The following EML4 variants were observed in gnomAD, a reference collection of about 807,000 sequenced individuals.
EML4 encodes the protein EMAP like 4.
Under a neutral mutation model 129.0 loss-of-function variants are expected in EML4, and 72 were observed. The ratio of observed to expected loss-of-function variants is 0.56; its 90% CI spans 0.46 to 0.68. EML4 has a LOEUF of 0.68. Ranked by LOEUF, EML4 falls within the 30% of genes least tolerant of loss-of-function variation. EML4 has a pLI of 0.00. For missense variants in EML4, 1,363 were observed against 1,190.6 expected, an observed-to-expected ratio of 1.14 and a Z score of -2.13; for synonymous variants, 532 against 405.0, an observed-to-expected ratio of 1.31 and a Z score of -3.77.
chr2:42,241,874 C>CA lies in EML4; in HGVS notation c.26-3631_26-3630insA, dbSNP rs568158109. 2.1e-4 allele frequency among the ~76,000 whole-genome samples: 30 copies of CA among 144,964 alleles called. No individual in the cohort carries two copies. The East Asian group carries it at 5.4e-3, about 26-fold the overall frequency. On this transcript the variant is annotated intron_variant, in intron 1 of 22. Transcript: ENST00000318522. ...AGATTGTGTGTGTATGTGTGTGTGT[C>CA]GGGGGGGGGAAGCTGAGGTAATAAA...
intron 16 of EML4, 119 bp from the exon 17 acceptor site, chr2:42,304,365 A>G (rs1558594382): frequency 1.4e-6 from 1 of 730,278 alleles, no homozygotes; most frequent in South Asian, 1.7e-5. Context: ...CTCATTAGCT[A>G]CAAAGTTGAT....
chr2:42,296,429 C>T (rs911428360), intron 13 of EML4, among the ~76,000 whole-genome samples: 5 of 152,056 alleles, frequency 3.3e-5, no homozygotes, highest in African/African-American at 9.7e-5. Context: ...CATGTCCTTT[C>T]TCTTGTTCAT....
intron 1 of EML4, among the ~76,000 whole-genome samples, chr2:42,176,273 C>G (rs778112165): frequency 2.6e-5 from 4 of 152,190 alleles, no homozygotes; most frequent in Non-Finnish European, 1.5e-5. Flanking sequence ...TTCTTTTCCA[C>G]CGCTATAGTT....
chr2:42,325,110 T>C, intron 19 of EML4: 1 of 457,112 alleles, frequency 2.2e-6, no homozygotes. Flanking sequence ...AACACTTCAT[T>C]CTCAAAAATG....
At chr2:42,235,806 G>A (rs1440536402) in intron 1 of EML4, among the ~76,000 whole-genome samples, 2 of 151,830 alleles carry the variant, frequency 1.3e-5, no homozygotes, top group East Asian at 3.9e-4. Flanking sequence ...TAGTATAGTT[G>A]TTTTTATGCC....
chr2:42,330,183 G>A lies in EML4; in HGVS notation c.2922G>A (p.Gln974=). ...EQAKATLLED[Q]QDPSPSS is the part of the protein sequence containing the mutation. ...CCAAAGCCACCCTTCTGGAGGACCAGCAAGACCCTTCGCCCTCGTCCTAAC... is the reference window on the plus strand; with the variant it reads ...CCAAAGCCACCCTTCTGGAGGACCAACAAGACCCTTCGCCCTCGTCCTAAC... The change falls in exon 23 of 23, where the codon CAG becomes CAA. Residue 974 remains glutamine (Q), a synonymous_variant. Coordinates refer to ENST00000318522, the MANE Select transcript of EML4 (RefSeq NM_019063.5). The A allele has an allele frequency of 6.2e-7, 1 of 1,612,626 alleles. No individual in the cohort carries two copies. Among genetic ancestry groups the A allele is most frequent in the Non-Finnish European group, 8.5e-7 (1 of 1,179,808 alleles).
Position 42,263,271 on chromosome 2 carries a change from C to G in EML4, c.606C>G (p.Pro202=), listed in dbSNP as rs1488525936. The G allele has an allele frequency of 6.2e-7, 1 of 1,612,610 alleles. No individual in the cohort carries two copies. Among genetic ancestry groups the G allele is most frequent in the East Asian group, 2.2e-5 (1 of 44,746 alleles). The change falls in exon 5 of 23, where the codon CCC becomes CCG. Residue 202 remains proline (P), a synonymous_variant. Transcript: ENST00000318522. ...RNKLSKIPST[P]KLIPKVTKTA... is the part of the protein sequence containing the mutation. The stretch of plus-strand genomic sequence containing the variant: ...AATTGTCGAAAATACCTTCAACACC[C>G]AAATTAATACCAAAAGTTACCAAAA...
In EML4 at chr2:42,191,830, C is replaced by G. The variant is rs576192722; in HGVS notation, c.25+22194C>G. On this transcript the variant is annotated intron_variant, in intron 1 of 22. Coordinates refer to ENST00000318522, the MANE Select transcript of EML4 (RefSeq NM_019063.5). The stretch of plus-strand genomic sequence containing the variant: ...ATCCCAACACTTTGGGAGGCTGAGG[C>G]GGGCGGATCACCTGAGGTCAATAAG... Among the ~76,000 whole-genome samples the G allele has an allele frequency of 4.6e-5, 7 of 151,992 alleles. No individual in the cohort carries two copies. The East Asian group carries it at 1.4e-3, about 29-fold the overall frequency.
At chr2:42,272,835 A>G (rs1040487889) in intron 6 of EML4, among the ~76,000 whole-genome samples, 4 of 152,228 alleles carry the variant, frequency 2.6e-5, no homozygotes, top group Non-Finnish European at 5.9e-5. Context: ...CTTCGCTGAA[A>G]ATAAGGAAAG....
chr2:42,204,651 A>G (rs1289502377), intron 1 of EML4, among the ~76,000 whole-genome samples: 1 of 152,226 alleles, frequency 6.6e-6, no homozygotes, highest in Non-Finnish European at 1.5e-5. Context: ...TTCTCTTACC[A>G]TACAACTAAG....
At chr2:42,220,048 T>A (rs975375216) in intron 1 of EML4, among the ~76,000 whole-genome samples, 2 of 152,114 alleles carry the variant, frequency 1.3e-5, no homozygotes, top group Non-Finnish European at 2.9e-5. Context: ...TTTATTTTGT[T>A]GCTGCACATT....
At chr2:42,275,535 A>G (rs766789783) in intron 6 of EML4, among the ~76,000 whole-genome samples, 76 of 152,212 alleles carry the variant, frequency 5.0e-4, no homozygotes, top group African/African-American at 7.2e-5. Context: ...CCAACATTAT[A>G]TGTGTCTGGG....
intron 3 of EML4, 21 bp from the exon 4 acceptor site, chr2:42,261,100 A>G (rs1041731400): frequency 1.3e-6 from 2 of 1,560,162 alleles, no homozygotes; most frequent in African/African-American, 1.4e-5. Flanking sequence ...GTATTGTTCC[A>G]TGTTATACTT....
chr2:42,323,597 A>G (rs1244928854), intron 19 of EML4, among the ~76,000 whole-genome samples: 1 of 152,162 alleles, frequency 6.6e-6, no homozygotes, highest in African/African-American at 2.4e-5. Context: ...TCTAATGTAA[A>G]TCATTAAAAA....
At chr2:42,269,355 T>G (rs977601474) in intron 6 of EML4, among the ~76,000 whole-genome samples, 20 of 152,216 alleles carry the variant, frequency 1.3e-4, no homozygotes, top group African/African-American at 4.8e-4. Flanking sequence ...ATGTGTTTCT[T>G]TATTGTTCTT....
chr2:42,219,102 C>T (rs1420938832), intron 1 of EML4, among the ~76,000 whole-genome samples: 1 of 152,172 alleles, frequency 6.6e-6, no homozygotes, highest in East Asian at 1.9e-4. Context: ...CCATGAAGAA[C>T]CCACAGTGAA....
chr2:42,317,537 G>A lies in EML4; in HGVS notation c.2154+13G>A. ...TGGAAGGTGCACTGTAAGTAGTGAA[G>A]TAGAACAAGTTGTAAAATTATTGGG... On this transcript the variant is annotated intron_variant, in intron 19 of 22. Coordinates refer to ENST00000318522, the MANE Select transcript of EML4 (RefSeq NM_019063.5). 1.9e-6 allele frequency: 3 copies of A among 1,542,198 alleles called. No individual in the cohort carries two copies. In the East Asian group the frequency reaches 6.8e-5, roughly 35 times the overall value.
At chr2:42,312,942 A>G (rs571602248) in intron 17 of EML4, among the ~76,000 whole-genome samples, 18 of 132,158 alleles carry the variant, frequency 1.4e-4, no homozygotes, top group South Asian at 2.5e-4. Context: ...GAACCAATGT[A>G]TATCTTTTTT....
chr2:42,269,874 G>A (rs1413985763), intron 6 of EML4, among the ~76,000 whole-genome samples: 1 of 152,092 alleles, frequency 6.6e-6, no homozygotes, highest in African/African-American at 2.4e-5. Flanking sequence ...CCTCATGCAG[G>A]AAAGGGAAGC....
Sources: allele counts gnomAD v4.1 joint callset (sites outside exome capture counted in the v4.1 genomes callset), GRCh38; gene constraint gnomAD v4.1.1; transcripts MANE v1.5; gene names NCBI Gene and HGNC (gene_info 2026-07-23, HGNC 2026-07-21).